The following NRG4 variants were observed in gnomAD, a reference collection of about 807,000 sequenced individuals.
NRG4 encodes the protein neuregulin 4.
NRG4 carries 10 observed loss-of-function variants against 15.0 expected under a neutral mutation model. The observed-to-expected ratio is 0.67, with a 90% CI of 0.41 to 1.13. The LOEUF is 1.13. Among genes scored for constraint, NRG4 ranks in the 50% most tolerant of loss-of-function variants. NRG4 has a pLI of 0.00. For missense variants in NRG4, 139 were observed against 140.2 expected, an observed-to-expected ratio of 0.99 and a Z score of 0.04; for synonymous variants, 41 against 50.1, an observed-to-expected ratio of 0.82 and a Z score of 0.77.
At chr15:75,991,337 A>T (rs1018503698) in intron 3 of NRG4, among the ~76,000 whole-genome samples, 2 of 152,192 alleles carry the variant, frequency 1.3e-5, no homozygotes, top group Non-Finnish European at 2.9e-5. Context: ...TACATTTTCT[A>T]TGTCAAAATA....
intron 3 of NRG4, among the ~76,000 whole-genome samples, chr15:76,003,945 T>C (rs1342695454): frequency 1.3e-5 from 2 of 152,282 alleles, no homozygotes; most frequent in East Asian, 3.9e-4. Flanking sequence ...GAGTCCTACA[T>C]GGTGAAATAA....
intron 3 of NRG4, among the ~76,000 whole-genome samples, chr15:75,984,352 C>T (rs1050144811): frequency 6.6e-6 from 1 of 151,986 alleles, no homozygotes; most frequent in Admixed American, 6.6e-5. Flanking sequence ...CCTAAAACTG[C>T]CCTTTAAAAG....
intron 5 of NRG4, among the ~76,000 whole-genome samples, chr15:76,031,710 C>T (rs938140729): frequency 3.7e-4 from 57 of 152,316 alleles, no homozygotes; most frequent in African/African-American, 1.3e-3. Flanking sequence ...CAAAGATTAG[C>T]TGGATGTGGT....
At chr15:76,043,822 A>G (rs1057175921) in intron 4 of NRG4, among the ~76,000 whole-genome samples, 1 of 152,250 alleles carries the variant, frequency 6.6e-6, no homozygotes, top group Non-Finnish European at 1.5e-5. Context: ...AAGACCCAGA[A>G]TAGCCAAAGC....
At chr15:75,946,165 T>C (rs2031491439) in intron 5 of NRG4, among the ~76,000 whole-genome samples, 1 of 152,136 alleles carries the variant, frequency 6.6e-6, no homozygotes, top group African/African-American at 2.4e-5. Flanking sequence ...AGCGGGAGAT[T>C]TCATCATGTT....
At chr15:75,992,272 C>G (rs191661971) in intron 3 of NRG4, among the ~76,000 whole-genome samples, 2 of 152,272 alleles carry the variant, frequency 1.3e-5, no homozygotes, top group East Asian at 3.9e-4. Flanking sequence ...ATTTAAGAGA[C>G]AGTTTTATAT....
chr15:76,001,164 G>A (rs935856822), intron 3 of NRG4, among the ~76,000 whole-genome samples: 6 of 151,198 alleles, frequency 4.0e-5, no homozygotes, highest in African/African-American at 1.5e-4. Context: ...TTTTTGTTTT[G>A]TTTTGTTTGG....
At chr15:75,992,764 T>C (rs1319439454) in intron 3 of NRG4, among the ~76,000 whole-genome samples, 3 of 152,164 alleles carry the variant, frequency 2.0e-5, no homozygotes, top group African/African-American at 7.2e-5. Flanking sequence ...GAATTACACA[T>C]TTGGGGTTAT....
chr15:76,060,230 T>C (rs1246561763), upstream of NRG4, among the ~76,000 whole-genome samples: 1 of 152,120 alleles, frequency 6.6e-6, no homozygotes, highest in East Asian at 1.9e-4. Context: ...CCTGGAGACC[T>C]GCTTCTTGTC....
Position 76,004,172 on chromosome 15 carries a change from A to G in NRG4, c.104+5028T>C, listed in dbSNP as rs550211809. Among the ~76,000 whole-genome samples, 4 of 152,366 alleles carry G rather than the reference A, an allele frequency of 2.6e-5. No individual in the cohort carries two copies. The East Asian group carries it at 7.7e-4, about 29-fold the overall frequency. On this transcript the variant is annotated intron_variant, in intron 3 of 5. Coordinates refer to ENST00000394907, the MANE Select transcript of NRG4 (RefSeq NM_138573.4). The stretch of plus-strand genomic sequence containing the variant: ...AGAGCTACAAAGAAGCAGAGTTCTT[A>G]TATGTGATTGAAGTTAAGCTGGTAT...
At chr15:75,990,491 A>G (rs2033966553) in intron 3 of NRG4, among the ~76,000 whole-genome samples, 1 of 152,114 alleles carries the variant, frequency 6.6e-6, no homozygotes, top group Non-Finnish European at 1.5e-5. Flanking sequence ...GTCTGAAAAA[A>G]GGGTGTTTCA....
intron 5 of NRG4, among the ~76,000 whole-genome samples, chr15:76,033,073 T>A (rs1010949950): frequency 1.1e-4 from 16 of 152,208 alleles, no homozygotes; most frequent in Non-Finnish European, 1.9e-4. Flanking sequence ...ATTCCCTAAT[T>A]ATATTAAAGT....
rs377069274 is a variant in NRG4, at chr15:76,047,363, A to G, written c.-105+4704T>C. Among the ~76,000 whole-genome samples the G allele has an allele frequency of 5.3e-5, 8 of 151,042 alleles. No homozygotes were observed. The East Asian group carries it at 1.5e-3, about 29-fold the overall frequency. ...CACTATTAGCAATAGCCAAAATATG[A>G]AATCATCCTAAGTGCCTATCAATGG... On this transcript the variant is annotated intron_variant, in intron 4 of 8. Coordinates refer to the NRG4 transcript ENST00000563910.
intron 4 of NRG4, among the ~76,000 whole-genome samples, chr15:76,049,998 G>C (rs999591348): frequency 2.0e-5 from 3 of 151,022 alleles, no homozygotes; most frequent in Non-Finnish European, 4.4e-5. Flanking sequence ...GCCAAGAATG[G>C]AATAAATTGG....
intron 5 of NRG4, among the ~76,000 whole-genome samples, chr15:75,952,431 C>T (rs1210783912): frequency 1.3e-5 from 2 of 152,016 alleles, no homozygotes; most frequent in South Asian, 2.1e-4. Flanking sequence ...TATTTCCTGC[C>T]GAATAATATT....
chr15:76,025,984 GC>G (rs2035305986), intron 5 of NRG4, among the ~76,000 whole-genome samples: 1 of 151,438 alleles, frequency 6.6e-6, no homozygotes, highest in Non-Finnish European at 1.5e-5. Context: ...AACACAGGCA[GC>G]CCCCGACTAC....
chr15:75,993,697 C>CAA (rs61345409), intron 3 of NRG4, among the ~76,000 whole-genome samples: 5,770 of 136,178 alleles, frequency 0.042, 201 homozygotes, highest in African/African-American at 0.099. Flanking sequence ...GACTCACTCT[C>CAA]AAAAAAAAAA....
chr15:76,054,572 G>A (rs534691258), intron 2 of NRG4, among the ~76,000 whole-genome samples: 50 of 152,222 alleles, frequency 3.3e-4, no homozygotes, highest in East Asian at 7.7e-4. Context: ...CCACCACCAC[G>A]CTCAGATAAT....
chr15:75,950,410 C>G, intron 5 of NRG4: 1 of 214,856 alleles, frequency 4.7e-6, no homozygotes, highest in South Asian at 8.9e-5. Flanking sequence ...ACCCTCTGAG[C>G]ATAGCCAGGA....
Sources: allele counts gnomAD v4.1 joint callset (sites outside exome capture counted in the v4.1 genomes callset), GRCh38; gene constraint gnomAD v4.1.1; transcripts MANE v1.5; gene names NCBI Gene and HGNC (gene_info 2026-07-23, HGNC 2026-07-21).